Variants in PARP16 observed in about 807,000 individuals in gnomAD.
PARP16 encodes the protein protein mono-ADP-ribosyltransferase PARP16.
In PARP16, 31 loss-of-function variants were observed where a neutral mutation model predicts 35.0. The observed-to-expected ratio is 0.88, with a 90% CI of 0.66 to 1.19. The LOEUF is 1.19. PARP16 is among the 50% of genes most tolerant of loss of function. The probability of loss-of-function intolerance (pLI) is 0.00; values close to 1 mark genes in which losing one functional copy is unlikely to be tolerated. For missense variants in PARP16, 424 were observed against 411.2 expected, an observed-to-expected ratio of 1.03 and a Z score of -0.27; for synonymous variants, 162 against 169.5, an observed-to-expected ratio of 0.96 and a Z score of 0.34.
intron 3 of PARP16, among the ~76,000 whole-genome samples, chr15:65,241,139 C>CTT (rs34888317): frequency 2.3e-5 from 3 of 127,756 alleles, no homozygotes. Context: ...CCTGTCCAAA[C>CTT]TTTTTTTTTT....
chr15:65,239,419 T>C (rs1293917063), intron 3 of PARP16, among the ~76,000 whole-genome samples: 1 of 27,132 alleles, frequency 3.7e-5, no homozygotes, highest in Non-Finnish European at 7.5e-5. Flanking sequence ...GAGCAAGACT[T>C]TGCCTAAAAA....
rs1380428124 is a variant in PARP16, at chr15:65,258,577, G to C, written c.*830C>G. On this transcript the variant is annotated 3_prime_UTR_variant, in exon 6 of 6. Coordinates refer to ENST00000649807, the MANE Select transcript of PARP16 (RefSeq NM_001316943.2). ...CTAAAACACAGCCAGAAAAGAGGCT[G>C]TGGACACTGGCCAAACAGTGCACTA... 1 of 152,544 alleles carries C rather than the reference G, an allele frequency of 6.6e-6. No homozygotes were observed. The highest frequency in any genetic ancestry group is 1.5e-5 in the Non-Finnish European group (1 of 68,034). The allele number at this position is 152,544 out of a possible 1,614,324, so 9.4% of individuals were successfully genotyped here.
intron 2 of PARP16, 101 bp from the exon 3 acceptor site, chr15:65,266,869 C>A (rs1363797803): frequency 2.5e-6 from 2 of 784,776 alleles, no homozygotes; most frequent in South Asian, 1.6e-5. Context: ...ATGGACTCTG[C>A]TCATGAGAAC....
intron 1 of PARP16, among the ~76,000 whole-genome samples, chr15:65,274,419 A>AT (rs2090187682): frequency 6.6e-6 from 1 of 151,080 alleles, no homozygotes; most frequent in Admixed American, 6.6e-5. Context: ...AACAAACAAC[A>AT]AAAAAAAATT....
chr15:65,262,557 G>A (rs990060847), intron 4 of PARP16, among the ~76,000 whole-genome samples: 3 of 152,196 alleles, frequency 2.0e-5, no homozygotes, highest in Admixed American at 6.5e-5. Flanking sequence ...GGAGTGGGAT[G>A]AGGTAGCCAG....
intron 3 of PARP16, 88 bp from the exon 4 acceptor site, chr15:65,263,408 T>C (rs556933462): frequency 2.7e-6 from 3 of 1,120,682 alleles, no homozygotes; most frequent in African/African-American, 3.1e-5. Context: ...TCTTCAAGAG[T>C]TGTAAACACA....
chr15:65,251,027 G>A (rs1203711625), intron 2 of PARP16, among the ~76,000 whole-genome samples: 1 of 152,144 alleles, frequency 6.6e-6, no homozygotes, highest in African/African-American at 2.4e-5. Flanking sequence ...GGGATTACAG[G>A]CGTGCACCAC....
At chr15:65,283,294 G>T (rs549257846) in intron 1 of PARP16, among the ~76,000 whole-genome samples, 1 of 151,962 alleles carries the variant, frequency 6.6e-6, no homozygotes, top group East Asian at 1.9e-4. Context: ...AAAAAAAGCT[G>T]CATTGTGAGT....
Position 65,286,555 on chromosome 15 carries a change from C to T in PARP16, c.-129G>A. 1.6e-6 allele frequency: 1 copy of T among 636,708 alleles called. No homozygotes were observed. Among genetic ancestry groups the T allele is most frequent in the East Asian group, 3.3e-5 (1 of 29,876 alleles). 39.4% of individuals were successfully genotyped at this position (636,708 alleles called of 1,614,324 possible). A position where few individuals can be genotyped will look rare whatever the true frequency, so the allele number is the denominator to read the frequency against. On this transcript the variant is annotated 5_prime_UTR_variant, in exon 1 of 6. Coordinates refer to ENST00000649807, the MANE Select transcript of PARP16 (RefSeq NM_001316943.2). ...CCGGGTTCCCAAGCCTGGGGTGGAG[C>T]TAGGCAGGGGGCTGAGATGACAGGG...
At chr15:65,235,773 A>AC (rs2088863363) in intron 3 of PARP16, among the ~76,000 whole-genome samples, 1 of 148,454 alleles carries the variant, frequency 6.7e-6, no homozygotes, top group South Asian at 2.1e-4. Flanking sequence ...CGCTCAACTT[A>AC]CCTTTGATTC....
intron 5 of PARP16, 65 bp from the exon 6 acceptor site, chr15:65,259,607 C>A: frequency 1.4e-6 from 2 of 1,464,746 alleles, no homozygotes; most frequent in South Asian, 1.2e-5. Context: ...TAAGTGTGTA[C>A]AACAAGTCTG....
chr15:65,247,849 G>A (rs2089251483), intron 3 of PARP16, among the ~76,000 whole-genome samples: 1 of 136,062 alleles, frequency 7.3e-6, no homozygotes, highest in Non-Finnish European at 1.5e-5. Flanking sequence ...TTGTTGCCTA[G>A]GCTGGAGTGC....
intron 3 of PARP16, among the ~76,000 whole-genome samples, chr15:65,240,153 T>C (rs373624868): frequency 6.0e-5 from 9 of 150,932 alleles, no homozygotes; most frequent in African/African-American, 2.2e-4. Flanking sequence ...CTTTTCTTTT[T>C]TTTGTTTTGA....
chr15:65,283,994 G>A (rs559667873), intron 1 of PARP16, among the ~76,000 whole-genome samples: 7 of 152,238 alleles, frequency 4.6e-5, no homozygotes, highest in African/African-American at 1.7e-4. Context: ...AGATGCCCTC[G>A]ACACATCATT....
chr15:65,282,821 GC>G (rs1284210482), intron 1 of PARP16, among the ~76,000 whole-genome samples: 1 of 152,142 alleles, frequency 6.6e-6, no homozygotes, highest in East Asian at 1.9e-4. Flanking sequence ...TACAAGTGGG[GC>G]AAGGGAGAAG....
intron 3 of PARP16, among the ~76,000 whole-genome samples, chr15:65,243,612 G>A (rs1403314229): frequency 6.6e-6 from 1 of 152,140 alleles, no homozygotes; most frequent in Admixed American, 6.6e-5. Flanking sequence ...AAGTTGGGAA[G>A]TATTCCCTCC....
intron 2 of PARP16, among the ~76,000 whole-genome samples, chr15:65,251,087 T>A (rs2089347675): frequency 6.6e-6 from 1 of 152,056 alleles, no homozygotes; most frequent in African/African-American, 2.4e-5. Flanking sequence ...TTTCACCATG[T>A]TGGCCAGGCT....
At chr15:65,265,919 T>C (rs1975449) in intron 3 of PARP16, among the ~76,000 whole-genome samples, 33,620 of 151,932 alleles carry the variant, frequency 0.22, 4,485 homozygotes, top group Admixed American at 0.31. Flanking sequence ...GATTTTTTAT[T>C]ATTTATTTAT....
At chr15:65,269,888 A>G (rs888001117) in intron 2 of PARP16, among the ~76,000 whole-genome samples, 1 of 152,220 alleles carries the variant, frequency 6.6e-6, no homozygotes, top group African/African-American at 2.4e-5. Context: ...AGGTAAGAAT[A>G]AATGAATGAA....
Sources: gnomAD v4.1 joint callset for allele counts (sites outside exome capture counted in the v4.1 genomes callset) on GRCh38, gnomAD v4.1.1 for gene constraint, MANE v1.5 for transcripts, NCBI Gene and HGNC (gene_info 2026-07-23, HGNC 2026-07-21) for gene names.